Variants in ABHD4 observed in about 807,000 individuals in gnomAD.
ABHD4 encodes the protein (Lyso)-N-acylphosphatidylethanolamine lipase.
Under a neutral mutation model 42.3 loss-of-function variants are expected in ABHD4, and 35 were observed. The ratio of observed to expected loss-of-function variants is 0.83; its 90% confidence interval spans 0.63 to 1.10. The LOEUF is 1.10. ABHD4 is among the 50% of genes least tolerant of loss of function. The pLI, the probability that ABHD4 is intolerant of heterozygous loss-of-function variation, is 0.00. For synonymous variants in ABHD4, 169 were observed against 170.6 expected (o/e 0.99, Z 0.07); for missense variants, 389 against 454.8 (o/e 0.86, Z 1.32).
At chr14:22,609,505 G>A (rs765219341) in intron 5 of ABHD4, 45 of 492,494 alleles carry the variant, frequency 9.1e-5, no homozygotes, top group Non-Finnish European at 1.3e-4. Context: ...TGGACAGTTC[G>A]TACTGCCATG....
In ABHD4 at chr14:22,611,261, A is replaced by T. The variant is rs1594894983; in HGVS notation, c.*313A>T. 9.5e-6 allele frequency: 3 copies of T among 315,858 alleles called. No individual in the cohort carries two copies. Among genetic ancestry groups the T allele is most frequent in the African/African-American group, 6.3e-5 (3 of 47,652 alleles). 19.6% of individuals were successfully genotyped at this position (315,858 alleles called of 1,614,324 possible). On this transcript the variant is annotated 3_prime_UTR_variant, in exon 7 of 7. Coordinates refer to ENST00000428304, the MANE Select transcript of ABHD4 (RefSeq NM_022060.3). ...ATGTGAAGGGATTGCACCAAGCCAC[A>T]TTCACTCTCTCTGTGGCCTTTCTTC...
chr14:22,608,511 A>G (rs778704566), intron 5 of ABHD4, among the ~76,000 whole-genome samples: 13 of 152,170 alleles, frequency 8.5e-5, no homozygotes, highest in Non-Finnish European at 1.6e-4. Context: ...CCCTTGGAAG[A>G]CTGATTTTTA....
chr14:22,609,425 C>T (rs2037385775), intron 5 of ABHD4, among the ~76,000 whole-genome samples: 1 of 152,188 alleles, frequency 6.6e-6, no homozygotes, highest in Non-Finnish European at 1.5e-5. Context: ...TTCATATGTC[C>T]CCTTTCCCAG....
intron 1 of ABHD4, among the ~76,000 whole-genome samples, chr14:22,600,831 G>GGGT (rs1425183297): frequency 2.3e-4 from 15 of 65,228 alleles, no homozygotes; most frequent in East Asian, 6.2e-4. Context: ...CCAGCAGGGG[G>GGGT]GTGTGTGTGT....
intron 5 of ABHD4, 61 bp from the exon 6 acceptor site, chr14:22,609,663 G>A: frequency 6.5e-7 from 1 of 1,545,076 alleles, no homozygotes; most frequent in African/African-American, 1.4e-5. Flanking sequence ...CTCAGTCTCT[G>A]AAGAGACCAA....
At chr14:22,605,626 C>T (rs2037340767) in intron 4 of ABHD4, among the ~76,000 whole-genome samples, 1 of 152,180 alleles carries the variant, frequency 6.6e-6, no homozygotes, top group Non-Finnish European at 1.5e-5. Context: ...CCTATTCTCA[C>T]CTCTGGCCAG....
chr14:22,598,587 T>G, intron 1 of ABHD4: 74 of 849,614 alleles, frequency 8.7e-5, no homozygotes, highest in Middle Eastern at 3.5e-4. Flanking sequence ...TCCTCGCGAG[T>G]GCCCCTCATT....
chr14:22,605,201 TCTCCAGC>T (rs2037335486), intron 4 of ABHD4, among the ~76,000 whole-genome samples: 1 of 152,112 alleles, frequency 6.6e-6, no homozygotes. Context: ...AGTATCAATA[TCTCCAGC>T]CTTCTGACCT....
chr14:22,605,934 A>G, intron 4 of ABHD4: 1 of 884,100 alleles, frequency 1.1e-6, no homozygotes, highest in Non-Finnish European at 1.6e-6. Context: ...CTGAGACACG[A>G]TTGTGTTTAG....
chr14:22,610,023 G>A, intron 6 of ABHD4, 113 bp downstream of exon 6: 1 of 997,276 alleles, frequency 1.0e-6, no homozygotes, highest in Non-Finnish European at 1.4e-6. Flanking sequence ...CTGAGATAGA[G>A]CAGTAGATTT....
In ABHD4 at chr14:22,612,397, G is replaced by A. The variant is rs1460166791; in HGVS notation, c.*1449G>A. The stretch of plus-strand genomic sequence containing the variant: ...ATGTTTAAAATTGCTCTGATCACTG[G>A]TGGTGCTGAATTCGCAACAGCCTGT... On this transcript the variant is annotated 3_prime_UTR_variant, in exon 7 of 7. Coordinates refer to ENST00000428304, the MANE Select transcript of ABHD4 (RefSeq NM_022060.3). The A allele has an allele frequency of 6.6e-6, 1 of 152,244 alleles. No individual in the cohort carries two copies. The highest frequency in any genetic ancestry group is 1.5e-5 in the Non-Finnish European group (1 of 68,048). The allele number at this position is 152,244 out of a possible 1,614,324, so 9.4% of individuals were successfully genotyped here.
chr14:22,598,425 C>T (rs776958977), intron 1 of ABHD4, 96 bp downstream of exon 1: 1 of 1,549,410 alleles, frequency 6.5e-7, no homozygotes, highest in South Asian at 1.2e-5. Context: ...AGACACCTTC[C>T]CGCTCTTCCT....
At position 22,603,468 on chromosome 14, in the gene ABHD4, A is replaced by G. The variant is rs138808701; in HGVS notation, c.191A>G (p.Glu64Gly). 5.2e-5 allele frequency: 84 copies of G among 1,613,982 alleles called. No homozygotes were observed. The highest frequency in any genetic ancestry group is 6.7e-5 in the Non-Finnish European group (79 of 1,180,018). The change falls in exon 3 of 7, where the codon GAG (glutamate) becomes GGG (glycine). Residue 64 changes from glutamate to glycine, a missense_variant. Around this residue, in one of 3 missense-constraint regions of ABHD4, gnomAD observed 102 missense variants for 128.3 expected, o/e 0.80. Coordinates refer to ENST00000428304, the MANE Select transcript of ABHD4 (RefSeq NM_022060.3). Reference sequence around the variant, plus strand: ...ATCTGGACGGTGACTGTGAGCCCCGAGCAAAACGACCGCACCCCCTTGGTG... The same window carrying G: ...ATCTGGACGGTGACTGTGAGCCCCGGGCAAAACGACCGCACCCCCTTGGTG... Reference protein sequence around the residue: ...NKIWTVTVSPEQNDRTPLVMV... With the variant: ...NKIWTVTVSPGQNDRTPLVMV...
rs2037287930 is a variant in ABHD4 at position 22,601,715 on chromosome 14, C to G, written c.72C>G (p.Ser24=). The G allele has an allele frequency of 6.2e-7, 1 of 1,614,172 alleles. No individual in the cohort carries two copies. Among genetic ancestry groups the G allele is most frequent in the East Asian group, 2.2e-5 (1 of 44,880 alleles). ...GGCTGCCCACGTGGCGCCCCACTTC[C>G]ATGTCTCAGCTGAAGAATGTGGAAG... The part of the protein sequence containing the change: ...SSWLPTWRPT[S]MSQLKNVEAR... Residue 24 remains serine, a synonymous_variant, in exon 2 of 7, where the codon TCC becomes TCG. Coordinates refer to ENST00000428304, the MANE Select transcript of ABHD4 (RefSeq NM_022060.3).
At chr14:22,600,985 T>C (rs1357548291) in intron 1 of ABHD4, among the ~76,000 whole-genome samples, 1 of 152,076 alleles carries the variant, frequency 6.6e-6, no homozygotes, top group East Asian at 1.9e-4. Flanking sequence ...TCATTAGAGG[T>C]GAGGACATAG....
Position 22,604,076 on chromosome 14 carries a change from T to C in ABHD4, c.637T>C (p.Trp213Arg). The change falls in exon 4 of 7, where the codon TGG becomes CGG. Residue 213 changes from tryptophan to arginine, a missense_variant. Coordinates refer to ENST00000428304, the MANE Select transcript of ABHD4 (RefSeq NM_022060.3). ...GGCTGTTCTTCGAGTAGCTGGGCCCTGGGGTGAGTAGCCTGTAGTATCTCC... is the reference window on the plus strand; with the variant it reads ...GGCTGTTCTTCGAGTAGCTGGGCCCCGGGGTGAGTAGCCTGTAGTATCTCC... Reference protein sequence around the residue: ...PLAVLRVAGPWGPGLVQRFRP... With the variant: ...PLAVLRVAGPRGPGLVQRFRP... 1 of 1,614,104 alleles carries C rather than the reference T, an allele frequency of 6.2e-7. No individual in the cohort carries two copies.
chr14:22,611,011 C>T lies in ABHD4; in HGVS notation c.*63C>T. The T allele has an allele frequency of 2.1e-6, 3 of 1,426,782 alleles. No individual in the cohort carries two copies. The highest frequency in any genetic ancestry group is 1.4e-5 in the African/African-American group (1 of 71,258). 88.4% of individuals were successfully genotyped at this position (1,426,782 alleles called of 1,614,324 possible). Reference sequence around the variant, plus strand: ...TCACTCTTACCTCCCTGTCTGCTTACTCACCCACTCTGTCCTTTCCTCACC... The same window carrying T: ...TCACTCTTACCTCCCTGTCTGCTTATTCACCCACTCTGTCCTTTCCTCACC... On this transcript the variant is annotated 3_prime_UTR_variant, in exon 7 of 7. Transcript: ENST00000428304.
At chr14:22,601,506 A>G (rs1035508016) in intron 1 of ABHD4, among the ~76,000 whole-genome samples, 161 bp from the exon 2 acceptor site, 13 of 152,194 alleles carry the variant, frequency 8.5e-5, no homozygotes, top group African/African-American at 3.1e-4. Context: ...GAAACAATCT[A>G]TCAGGTAGCT....
At chr14:22,610,200 A>G (rs1012931914) in intron 6 of ABHD4, among the ~76,000 whole-genome samples, 2 of 151,996 alleles carry the variant, frequency 1.3e-5, no homozygotes, top group African/African-American at 4.8e-5. Flanking sequence ...TGGGATTATT[A>G]GCATGCGCCA....
Sources: gnomAD v4.1 joint callset for allele counts (sites outside exome capture counted in the v4.1 genomes callset) on GRCh38, gnomAD v4.1.1 for gene constraint, gnomAD v4.1.1 regional missense constraint, MANE v1.5 for transcripts, NCBI Gene and HGNC (gene_info 2026-07-23, HGNC 2026-07-21) for gene names.